LRMDA: variants seen among roughly 807,000 people sequenced by gnomAD.
LRMDA encodes the protein leucine rich melanocyte differentiation associated, also known as leucine-rich melanocyte differentiation-associated protein.
LRMDA carries 18 observed loss-of-function variants against 29.8 expected under a neutral mutation model. That is an observed-to-expected ratio of 0.60 (90% CI 0.42 to 0.90). The LOEUF (loss-of-function observed/expected upper bound fraction) is 0.90, where lower values mean the gene tolerates loss of function less well. Ranked by LOEUF, LRMDA falls within the 40% of genes least tolerant of loss-of-function variation. LRMDA has a pLI of 0.00. For synonymous variants in LRMDA, 125 were observed against 109.4 expected (o/e 1.14, Z -0.89); for missense variants, 273 against 273.9 (o/e 1.00, Z 0.02).
At chr10:76,363,116 G>GGAAAGAAAAAGAAAGAAAGAAA (rs1441906742) in intron 6 of LRMDA, among the ~76,000 whole-genome samples, 2 of 51,476 alleles carry the variant, frequency 3.9e-5, no homozygotes, top group South Asian at 7.0e-4. Context: ...TGTGGAGTAA[G>GGAAAGAAAAAGAAAGAAAGAAA]GAAAGAAAGA....
intron 2 of LRMDA, among the ~76,000 whole-genome samples, chr10:75,449,827 ACTG>A (rs2132030408): frequency 6.6e-6 from 1 of 152,254 alleles, no homozygotes; most frequent in African/African-American, 2.4e-5. Flanking sequence ...TGGCTCAACA[ACTG>A]CTGACTGTGG....
At chr10:76,392,702 C>T (rs1398859045) in intron 6 of LRMDA, among the ~76,000 whole-genome samples, 1 of 152,036 alleles carries the variant, frequency 6.6e-6, no homozygotes, top group South Asian at 2.1e-4. Context: ...TGAGAATGCT[C>T]AAAATATACT....
chr10:75,810,358 C>G (rs561699179), intron 2 of LRMDA, among the ~76,000 whole-genome samples: 82 of 152,180 alleles, frequency 5.4e-4, no homozygotes, highest in African/African-American at 1.8e-3. Flanking sequence ...CAGGGCTGTT[C>G]GGAGGATGTC....
chr10:75,437,789 C>G (rs1844278101), intron 1 of LRMDA, among the ~76,000 whole-genome samples: 1 of 152,208 alleles, frequency 6.6e-6, no homozygotes, highest in Non-Finnish European at 1.5e-5. Flanking sequence ...GAGGGACATT[C>G]AGGAGCCCCG....
intron 6 of LRMDA, among the ~76,000 whole-genome samples, chr10:76,333,318 G>C (rs532080248): frequency 6.6e-6 from 1 of 152,298 alleles, no homozygotes; most frequent in South Asian, 2.1e-4. Context: ...GTATCCAGGG[G>C]TAATTGGAAA....
rs1398536978 is a variant in LRMDA at position 75,658,788 on chromosome 10, A to T, written c.131+220294A>T. ...ACATTGTGGTGATAATAGAATTTTC[A>T]CTGGGGGAAATGTAGGGTCCTCCTC... is the stretch of plus-strand genomic sequence containing the variant. On this transcript the variant is annotated intron_variant, in intron 2 of 6. Coordinates refer to ENST00000611255, the MANE Select transcript of LRMDA (RefSeq NM_001305581.2). 2.8e-5 allele frequency among the ~76,000 whole-genome samples: 3 copies of T among 107,400 alleles called. No individual in the cohort carries two copies. In the East Asian group the frequency reaches 1.3e-3, roughly 46 times the overall value. The allele number at this position is 107,400 out of a possible 152,430, so 70.5% of individuals were successfully genotyped here. A position where few individuals can be genotyped will look rare whatever the true frequency, so the allele number is the denominator to read the frequency against.
At chr10:76,192,562 C>G (rs1453392366) in intron 5 of LRMDA, among the ~76,000 whole-genome samples, 4 of 152,160 alleles carry the variant, frequency 2.6e-5, no homozygotes, top group African/African-American at 9.7e-5. Context: ...CTGAATATCT[C>G]AGAAAATGAA....
At chr10:75,833,267 T>C (rs532613792) in intron 2 of LRMDA, among the ~76,000 whole-genome samples, 336 of 152,324 alleles carry the variant, frequency 2.2e-3, no homozygotes, top group Non-Finnish European at 4.3e-3. Context: ...AAGGGTTTTG[T>C]AGGGATATTG....
chr10:76,463,544 A>G (rs952884133), intron 6 of LRMDA, among the ~76,000 whole-genome samples: 2 of 152,188 alleles, frequency 1.3e-5, no homozygotes, highest in Non-Finnish European at 2.9e-5. Context: ...CTTCCAGGGC[A>G]AAGCAACATG....
At chr10:76,191,568 C>T (rs1851247374) in intron 5 of LRMDA, among the ~76,000 whole-genome samples, 1 of 152,122 alleles carries the variant, frequency 6.6e-6, no homozygotes, top group Non-Finnish European at 1.5e-5. Context: ...GGGAATGTGG[C>T]TGGTGAGTTG....
chr10:75,528,736 C>T (rs1473405794), intron 2 of LRMDA, among the ~76,000 whole-genome samples: 1 of 151,936 alleles, frequency 6.6e-6, no homozygotes, highest in African/African-American at 2.4e-5. Flanking sequence ...GCATGAATGA[C>T]AGAGATCAGA....
chr10:75,492,963 C>T (rs1273557590), intron 2 of LRMDA, among the ~76,000 whole-genome samples: 1 of 152,118 alleles, frequency 6.6e-6, no homozygotes, highest in Non-Finnish European at 1.5e-5. Context: ...AGGAATATAA[C>T]GGATGTCTTG....
At position 76,230,568 on chromosome 10, in the gene LRMDA, A is replaced by AC. The variant is rs397697323; in HGVS notation, c.517-93829dup. Among the ~76,000 whole-genome samples, 34 of 150,844 alleles carry AC rather than the reference A, an allele frequency of 2.3e-4. 2 individuals carry two copies. In the East Asian group the frequency reaches 6.4e-3, roughly 29 times the overall value. On this transcript the variant is annotated intron_variant, in intron 5 of 6. Coordinates refer to ENST00000611255, the MANE Select transcript of LRMDA (RefSeq NM_001305581.2). Reference sequence around the variant, plus strand: ...TGTTAAGAGGGCAAAAAAAAAAAAAACCCCAAAAATCCCATGCATGAATAA... The same window carrying AC: ...TGTTAAGAGGGCAAAAAAAAAAAAAACCCCCAAAAATCCCATGCATGAATAA...
At chr10:76,014,138 AT>A (rs1564630501) in intron 2 of LRMDA, among the ~76,000 whole-genome samples, 1 of 139,884 alleles carries the variant, frequency 7.1e-6, no homozygotes, top group East Asian at 2.1e-4. Context: ...ATATATATAT[AT>A]ATATAATTAT....
intron 2 of LRMDA, among the ~76,000 whole-genome samples, chr10:75,560,446 G>A (rs908408678): frequency 6.7e-6 from 1 of 149,482 alleles, no homozygotes; most frequent in African/African-American, 2.4e-5. Context: ...GAGACAGTGG[G>A]GTTTTCTAGA....
rs1172213249 is a variant in LRMDA at position 76,410,298 on chromosome 10, C to CTTTTTTT, written c.601+85835_601+85841dup. ...GAGGCTTGGAAAAATCACTTTCTTTCTTTTTTTTTTTTTTTTTTTTTTTTT... is the reference window on the plus strand; with the variant it reads ...GAGGCTTGGAAAAATCACTTTCTTTCTTTTTTTTTTTTTTTTTTTTTTTTTTTTTTTT... On this transcript the variant is annotated intron_variant, in intron 6 of 6. Transcript: ENST00000611255. Among the ~76,000 whole-genome samples, 92 of 66,570 alleles carry CTTTTTTT rather than the reference C, an allele frequency of 1.4e-3. 6 individuals carry two copies. Among genetic ancestry groups the CTTTTTTT allele is most frequent in the Non-Finnish European group, 1.6e-3 (56 of 35,970 alleles). 43.7% of individuals were successfully genotyped at this position (66,570 alleles called of 152,430 possible). A position where few individuals can be genotyped will look rare whatever the true frequency, so the allele number is the denominator to read the frequency against.
chr10:75,919,740 A>T (rs2132387533), intron 2 of LRMDA, among the ~76,000 whole-genome samples: 1 of 152,232 alleles, frequency 6.6e-6, no homozygotes, highest in African/African-American at 2.4e-5. Context: ...TGCAGCTTTT[A>T]TGGAGATGTC....
At chr10:76,312,230 T>C (rs988677942) in intron 5 of LRMDA, among the ~76,000 whole-genome samples, 1 of 152,222 alleles carries the variant, frequency 6.6e-6, no homozygotes, top group Non-Finnish European at 1.5e-5. Context: ...TGTCTGCTTA[T>C]ATCTCAGGAA....
chr10:75,841,510 G>A lies in LRMDA; in HGVS notation c.132-194498G>A, dbSNP rs560924228. Among the ~76,000 whole-genome samples the A allele has an allele frequency of 1.1e-4, 16 of 152,314 alleles. No homozygotes were observed. In the South Asian group the frequency reaches 2.7e-3, roughly 26 times the overall value. On this transcript the variant is annotated intron_variant, in intron 2 of 6. Coordinates refer to ENST00000611255, the MANE Select transcript of LRMDA (RefSeq NM_001305581.2). The stretch of plus-strand genomic sequence containing the variant: ...GCTTGGGCACTTGGCCAAATGCACA[G>A]GAAAGTGGAGTATATATGTGGAGAC...
Sources: allele counts gnomAD v4.1 joint callset (sites outside exome capture counted in the v4.1 genomes callset), GRCh38; gene constraint gnomAD v4.1.1; transcripts MANE v1.5; gene names NCBI Gene and HGNC (gene_info 2026-07-23, HGNC 2026-07-21).